Variants in ST8SIA5 observed in about 807,000 individuals in gnomAD.
ST8SIA5 encodes the protein alpha-2,8-sialyltransferase 8E.
In ST8SIA5, 24 loss-of-function variants were observed where a neutral mutation model predicts 40.2. The observed-to-expected ratio is 0.60, with a 90% CI of 0.43 to 0.84. The LOEUF (loss-of-function observed/expected upper bound fraction) is 0.84. Among genes scored for constraint, ST8SIA5 ranks in the 40% least tolerant of loss-of-function variants. The pLI is 0.00. For synonymous variants in ST8SIA5, 198 were observed against 201.8 expected (o/e 0.98, Z 0.16); for missense variants, 465 against 498.5 (o/e 0.93, Z 0.64).
At chr18:46,739,735 A>G (rs191517235) in intron 1 of ST8SIA5, among the ~76,000 whole-genome samples, 1 of 152,322 alleles carries the variant, frequency 6.6e-6, no homozygotes, top group Non-Finnish European at 1.5e-5. Flanking sequence ...TCGGGAATGA[A>G]GGACTTCTCC....
At chr18:46,720,315 C>T (rs1441016771) in intron 1 of ST8SIA5, among the ~76,000 whole-genome samples, 2 of 152,112 alleles carry the variant, frequency 1.3e-5, no homozygotes, top group Non-Finnish European at 2.9e-5. Context: ...CCACCTTACC[C>T]GTGATGTCCA....
chr18:46,679,211 T>C lies in ST8SIA5; in HGVS notation c.*831A>G, dbSNP rs2039360400. ...AGGAAGCCAATTGCTAAGCACTTATTGAGTCAATAACATTGGCTTGGAAGC... is the reference window on the plus strand; with the variant it reads ...AGGAAGCCAATTGCTAAGCACTTATCGAGTCAATAACATTGGCTTGGAAGC... On this transcript the variant is annotated 3_prime_UTR_variant, in exon 7 of 7. Transcript: ENST00000315087. 6.6e-6 allele frequency: 1 copy of C among 152,252 alleles called. No homozygotes were observed. The highest frequency in any genetic ancestry group is 1.5e-5 in the Non-Finnish European group (1 of 68,050). 9.4% of individuals were successfully genotyped at this position (152,252 alleles called of 1,614,324 possible). A position where few individuals can be genotyped will look rare whatever the true frequency, so the allele number is the denominator to read the frequency against.
chr18:46,705,475 G>A (rs1201834827), intron 1 of ST8SIA5, among the ~76,000 whole-genome samples: 2 of 152,260 alleles, frequency 1.3e-5, no homozygotes, highest in African/African-American at 4.8e-5. Context: ...ATTGACACAA[G>A]CATCCTGAAC....
Position 46,670,352 on chromosome 18 carries a change from G to A in ST8SIA5, c.*9690C>T, listed in dbSNP as rs16939940. ...TGAGCTGAAATGCTGTGTTGCTCCC[G>A]GGGTTATTATAACATATTCTCCCTC... is the stretch of plus-strand genomic sequence containing the variant. On this transcript the variant is annotated 3_prime_UTR_variant, in exon 7 of 7. Transcript: ENST00000315087. The A allele has an allele frequency of 0.064, 9,788 of 152,232 alleles. 406 individuals are homozygous for A. The highest frequency in any genetic ancestry group is 0.15 in the East Asian group (799 of 5,176). The allele number at this position is 152,232 out of a possible 1,614,324, so 9.4% of individuals were successfully genotyped here.
intron 1 of ST8SIA5, among the ~76,000 whole-genome samples, chr18:46,726,117 C>A (rs1021842271): frequency 6.9e-6 from 1 of 145,376 alleles, no homozygotes; most frequent in East Asian, 2.0e-4. Flanking sequence ...TTGCTTGAAC[C>A]TGGGAGGCAG....
rs1292746251 is a variant in ST8SIA5 at position 46,674,152 on chromosome 18, C to T, written c.*5890G>A. 2.0e-5 allele frequency: 3 copies of T among 152,178 alleles called. No individual in the cohort carries two copies. In the East Asian group the frequency reaches 5.8e-4, roughly 29 times the overall value. 9.4% of individuals were successfully genotyped at this position (152,178 alleles called of 1,614,324 possible). ...CTCTTACATTGCTTCCCAGGCTGCA[C>T]CTCAGCCACAGTGATGTAAGAGCCT... On this transcript the variant is annotated 3_prime_UTR_variant, in exon 7 of 7. Coordinates refer to ENST00000315087, the MANE Select transcript of ST8SIA5 (RefSeq NM_013305.6).
chr18:46,710,832 G>C (rs2039724755), intron 1 of ST8SIA5, among the ~76,000 whole-genome samples: 1 of 152,098 alleles, frequency 6.6e-6, no homozygotes, highest in Admixed American at 6.5e-5. Context: ...CTGGGTCCCA[G>C]CAACCACTGG....
intron 1 of ST8SIA5, among the ~76,000 whole-genome samples, chr18:46,729,734 GA>G (rs2039967919): frequency 6.6e-6 from 1 of 152,240 alleles, no homozygotes; most frequent in African/African-American, 2.4e-5. Flanking sequence ...GACTCCAAAA[GA>G]ATGACAGTGT....
chr18:46,733,865 G>T (rs563424867), intron 1 of ST8SIA5, among the ~76,000 whole-genome samples: 1 of 152,266 alleles, frequency 6.6e-6, no homozygotes, highest in African/African-American at 2.4e-5. Context: ...AAGGAACACT[G>T]CCTTTCTGGG....
In ST8SIA5 at chr18:46,679,615, C is replaced by G. The variant is rs563654838; in HGVS notation, c.*427G>C. 1.9e-5 allele frequency: 4 copies of G among 210,146 alleles called. No homozygotes were observed. The East Asian group carries it at 4.6e-4, about 24-fold the overall frequency. The allele number at this position is 210,146 out of a possible 1,614,324, so 13.0% of individuals were successfully genotyped here. A position where few individuals can be genotyped will look rare whatever the true frequency, so the allele number is the denominator to read the frequency against. On this transcript the variant is annotated 3_prime_UTR_variant, in exon 7 of 7. Transcript: ENST00000315087. ...AAAATCTTGACTGTGCTCAAGTGTC[C>G]TGTGAAGTGTCCTGTCTCCACTCTC...
intron 1 of ST8SIA5, among the ~76,000 whole-genome samples, chr18:46,721,004 C>G (rs1009645126): frequency 6.6e-6 from 1 of 151,998 alleles, no homozygotes; most frequent in Non-Finnish European, 1.5e-5. Context: ...CTTGATGCCA[C>G]CCACCCACAC....
At chr18:46,729,980 T>C (rs377700780) in intron 1 of ST8SIA5, among the ~76,000 whole-genome samples, 5 of 152,132 alleles carry the variant, frequency 3.3e-5, no homozygotes, top group African/African-American at 7.2e-5. Context: ...AAATTGTTAG[T>C]TCTCAGTGAG....
At position 46,669,044 on chromosome 18, in the gene ST8SIA5, C is replaced by T. The variant is rs1289753904; in HGVS notation, c.*10998G>A. 6.6e-6 allele frequency: 1 copy of T among 152,510 alleles called. No homozygotes were observed. The highest frequency in any genetic ancestry group is 1.5e-5 in the Non-Finnish European group (1 of 68,232). The allele number at this position is 152,510 out of a possible 1,614,324, so 9.4% of individuals were successfully genotyped here. ...GGGTGACTCTGCCAGATACAACTGC[C>T]TCCCTTCTGTCCCACTAGGTTCAGC... On this transcript the variant is annotated 3_prime_UTR_variant, in exon 7 of 7. Coordinates refer to ENST00000315087, the MANE Select transcript of ST8SIA5 (RefSeq NM_013305.6).
At chr18:46,742,218 C>T (rs372680319) in intron 1 of ST8SIA5, among the ~76,000 whole-genome samples, 1 of 151,740 alleles carries the variant, frequency 6.6e-6, no homozygotes, top group Non-Finnish European at 1.5e-5. Context: ...AATAAGCAAA[C>T]ATATTCAATG....
At chr18:46,734,421 C>T (rs567254333) in intron 1 of ST8SIA5, among the ~76,000 whole-genome samples, 1 of 151,692 alleles carries the variant, frequency 6.6e-6, no homozygotes, top group Non-Finnish European at 1.5e-5. Context: ...CTGCTCTCCA[C>T]CCTGGCAGTA....
intron 2 of ST8SIA5, among the ~76,000 whole-genome samples, chr18:46,702,699 C>A (rs2039630552): frequency 6.6e-6 from 1 of 152,216 alleles, no homozygotes; most frequent in African/African-American, 2.4e-5. Context: ...CTGACATCCT[C>A]CCCCTAGTCC....
intron 2 of ST8SIA5, among the ~76,000 whole-genome samples, chr18:46,703,987 A>T (rs770214049): frequency 1.3e-5 from 2 of 151,480 alleles, no homozygotes; most frequent in Non-Finnish European, 2.9e-5. Context: ...CCATTTATGT[A>T]AAAAAAAACT....
intron 1 of ST8SIA5, among the ~76,000 whole-genome samples, chr18:46,726,015 G>GATATATATATAT (rs530130795): frequency 0.059 from 1,786 of 30,414 alleles, 65 homozygotes; most frequent in Middle Eastern, 0.093. Flanking sequence ...ATATATCCTG[G>GATATATATATAT]ATATATATAT....
At chr18:46,718,872 C>T (rs1294869134) in intron 1 of ST8SIA5, among the ~76,000 whole-genome samples, 2 of 152,284 alleles carry the variant, frequency 1.3e-5, no homozygotes, top group African/African-American at 2.4e-5. Flanking sequence ...GGACAATGTA[C>T]GTCGTGTCCT....
Sources: gnomAD v4.1 joint callset for allele counts (sites outside exome capture counted in the v4.1 genomes callset) on GRCh38, gnomAD v4.1.1 for gene constraint, MANE v1.5 for transcripts, NCBI Gene and HGNC (gene_info 2026-07-23, HGNC 2026-07-21) for gene names.